Variants in CALN1 observed in about 807,000 individuals in gnomAD.
CALN1 encodes calcium-binding protein 8.
In CALN1, 17 loss-of-function variants were observed where a neutral mutation model predicts 30.6. That is an observed-to-expected ratio of 0.56 (90% CI 0.38 to 0.83). The LOEUF is 0.83. Ranked by LOEUF, CALN1 falls within the 40% of genes least tolerant of loss-of-function variation. CALN1 has a pLI of 0.00. For missense variants in CALN1, 291 were observed against 354.9 expected (o/e 0.82, Z 1.45); for synonymous variants, 156 against 131.4 (o/e 1.19, Z -1.28).
chr7:72,309,459 G>C (rs1315326111), intron 2 of CALN1, among the ~76,000 whole-genome samples: 2 of 152,086 alleles, frequency 1.3e-5, no homozygotes, highest in East Asian at 3.9e-4. Context: ...CTGTGGCCTG[G>C]AAACACAGCC....
chr7:72,183,638 GAATT>G (rs1789977074), intron 3 of CALN1, among the ~76,000 whole-genome samples: 1 of 152,176 alleles, frequency 6.6e-6, no homozygotes, highest in African/African-American at 2.4e-5. Flanking sequence ...AATTGATTAA[GAATT>G]AATACATGAC....
intron 5 of CALN1, among the ~76,000 whole-genome samples, chr7:71,994,539 A>G (rs1409683634): frequency 6.7e-6 from 1 of 149,668 alleles, no homozygotes. Flanking sequence ...AAAAACAGTG[A>G]TAGTAAAATT....
chr7:72,101,335 T>G (rs1051873155), intron 4 of CALN1, among the ~76,000 whole-genome samples: 5 of 152,206 alleles, frequency 3.3e-5, no homozygotes, highest in Admixed American at 6.5e-5. Flanking sequence ...ACTTTTCTTA[T>G]TTCAAGGAGG....
chr7:72,237,949 G>A (rs1794580631), intron 3 of CALN1, among the ~76,000 whole-genome samples: 1 of 152,186 alleles, frequency 6.6e-6, no homozygotes, highest in Non-Finnish European at 1.5e-5. Context: ...TAAAGGACAA[G>A]GGTTTTGGCA....
chr7:72,369,881 T>G (rs375015423), intron 2 of CALN1, among the ~76,000 whole-genome samples: 3 of 152,250 alleles, frequency 2.0e-5, no homozygotes, highest in East Asian at 3.8e-4. Flanking sequence ...GATGGACATT[T>G]AACATGCTTT....
At chr7:72,384,027 T>C (rs1047653663) in intron 2 of CALN1, among the ~76,000 whole-genome samples, 2 of 152,164 alleles carry the variant, frequency 1.3e-5, no homozygotes, top group Non-Finnish European at 2.9e-5. Context: ...CTATTTACAA[T>C]AGCAAAGACT....
At chr7:72,293,825 G>A (rs375974057) in intron 2 of CALN1, among the ~76,000 whole-genome samples, 31 of 152,088 alleles carry the variant, frequency 2.0e-4, no homozygotes, top group Admixed American at 7.9e-4. Context: ...GGCCAGGCAC[G>A]GTGGCTCACA....
intron 1 of CALN1, among the ~76,000 whole-genome samples, chr7:72,445,939 T>C (rs1200574753): frequency 6.6e-6 from 1 of 152,176 alleles, no homozygotes; most frequent in East Asian, 1.9e-4. Context: ...ACGGGGATGT[T>C]AACCATTCAG....
At chr7:72,390,456 T>C (rs979737070) in intron 2 of CALN1, among the ~76,000 whole-genome samples, 86 of 151,814 alleles carry the variant, frequency 5.7e-4, no homozygotes, top group African/African-American at 1.9e-3. Flanking sequence ...AAAAAATAAA[T>C]GAGAGATTGG....
chr7:72,139,741 C>T (rs1457636980), intron 3 of CALN1, among the ~76,000 whole-genome samples: 1 of 152,222 alleles, frequency 6.6e-6, no homozygotes, highest in African/African-American at 2.4e-5. Flanking sequence ...CTCTAGGAAC[C>T]TCAGTGCTCT....
At chr7:71,931,468 C>T (rs1040920628) in intron 5 of CALN1, among the ~76,000 whole-genome samples, 3 of 152,112 alleles carry the variant, frequency 2.0e-5, no homozygotes, top group African/African-American at 7.2e-5. Context: ...GGTTTCACCA[C>T]GTTGCCCAGG....
intron 2 of CALN1, among the ~76,000 whole-genome samples, chr7:72,377,542 G>A (rs1202768355): frequency 6.6e-6 from 1 of 151,088 alleles, no homozygotes; most frequent in Non-Finnish European, 1.5e-5. Flanking sequence ...AATAATTATG[G>A]AAATTAGATC....
chr7:72,290,777 G>C (rs896087857), intron 2 of CALN1, among the ~76,000 whole-genome samples: 1 of 152,018 alleles, frequency 6.6e-6, no homozygotes, highest in African/African-American at 2.4e-5. Flanking sequence ...CTGAATGGTG[G>C]TTGAACCTGT....
chr7:71,855,704 T>C (rs1286227518), intron 5 of CALN1, among the ~76,000 whole-genome samples: 1 of 152,140 alleles, frequency 6.6e-6, no homozygotes, highest in East Asian at 1.9e-4. Flanking sequence ...GTGATGGCAT[T>C]TGGACTCTGG....
chr7:71,940,154 C>A (rs1796052919), intron 5 of CALN1, among the ~76,000 whole-genome samples: 1 of 152,254 alleles, frequency 6.6e-6, no homozygotes, highest in South Asian at 2.1e-4. Context: ...GCTCTGATCT[C>A]CACTTTTTTT....
At chr7:72,314,374 CACATATATACACAT>C (rs1800280631) in intron 2 of CALN1, among the ~76,000 whole-genome samples, 2 of 39,968 alleles carry the variant, frequency 5.0e-5, no homozygotes, top group African/African-American at 1.1e-4. Context: ...TACATATATA[CACATATATACACAT>C]ATATATACAC....
chr7:72,017,142 C>A (rs112395310), intron 5 of CALN1, among the ~76,000 whole-genome samples: 7,022 of 138,408 alleles, frequency 0.051, 222 homozygotes, highest in Non-Finnish European at 0.069. Flanking sequence ...CCTGCCTGGG[C>A]AACAGAGAGA....
intron 4 of CALN1, among the ~76,000 whole-genome samples, chr7:72,063,168 A>C (rs1803781248): frequency 6.6e-6 from 1 of 152,200 alleles, no homozygotes; most frequent in South Asian, 2.1e-4. Flanking sequence ...GAATGTGCTG[A>C]CCTGTACATG....
At chr7:72,337,131 G>A (rs1342386451) in intron 2 of CALN1, 34 of 985,728 alleles carry the variant, frequency 3.4e-5, no homozygotes, top group Non-Finnish European at 4.0e-5. Context: ...CAGTGGCCGA[G>A]GCCCCGCTGG....
Sources: gnomAD v4.1 joint callset for allele counts (sites outside exome capture counted in the v4.1 genomes callset) on GRCh38, gnomAD v4.1.1 for gene constraint, MANE v1.5 for transcripts, NCBI Gene and HGNC (gene_info 2026-07-23, HGNC 2026-07-21) for gene names.